Variants in TNKS observed in about 807,000 individuals in gnomAD.
The protein encoded by TNKS is tankyrase.
In TNKS, 72 loss-of-function variants were observed where a neutral mutation model predicts 135.8. The ratio of observed to expected loss-of-function variants is 0.53; its 90% CI spans 0.44 to 0.64. The LOEUF (loss-of-function observed/expected upper bound fraction) is 0.64, where lower values mean the gene tolerates loss of function less well. Ranked by LOEUF, TNKS falls within the 30% of genes least tolerant of loss-of-function variation. TNKS has a pLI of 0.00. For missense variants in TNKS, 1,769 were observed against 1,674.0 expected (o/e 1.06, Z -0.99); for synonymous variants, 849 against 649.3 (o/e 1.31, Z -4.68).
chr8:9,761,320 G>A (rs981692582), intron 20 of TNKS, among the ~76,000 whole-genome samples, 196 bp from the exon 21 acceptor site: 16 of 152,098 alleles, frequency 1.1e-4, no homozygotes, highest in African/African-American at 3.4e-4. Context: ...GCAAATCAAA[G>A]AGTACTTCAA....
intron 2 of TNKS, among the ~76,000 whole-genome samples, chr8:9,595,407 C>G (rs541856007): frequency 6.6e-6 from 1 of 151,998 alleles, no homozygotes; most frequent in African/African-American, 2.4e-5. Context: ...AAATAATCTC[C>G]GCTGACACTG....
At position 9,748,127 on chromosome 8, in the gene TNKS, C is replaced by A. The variant is rs1036848566; in HGVS notation, c.2747C>A (p.Thr916Lys). ...PLHEAAQKGR[T>K]QLCALLLAHG... ...CATGAAGCAGCCCAGAAAGGAAGGA[C>A]GCAGCTGTGCGCCCTCCTCCTAGCG... Residue 916 changes from threonine to lysine, a missense_variant, in exon 18 of 27, where the codon ACG becomes AAG. Around this residue, in one of 5 missense-constraint regions of TNKS, gnomAD observed 722 missense variants for 688.9 expected, o/e 1.05. Transcript: ENST00000310430. The A allele has an allele frequency of 6.2e-7, 1 of 1,613,970 alleles. No homozygotes were observed. Among genetic ancestry groups the A allele is most frequent in the South Asian group, 1.1e-5 (1 of 91,074 alleles).
chr8:9,631,265 C>T (rs1800277856), intron 3 of TNKS, among the ~76,000 whole-genome samples: 1 of 152,194 alleles, frequency 6.6e-6, no homozygotes, highest in African/African-American at 2.4e-5. Context: ...GGGATGTGAT[C>T]TTCTCACGTA....
At position 9,752,562 on chromosome 8, in the gene TNKS, A is replaced by G. The variant is rs1806599958; in HGVS notation, c.3089A>G (p.Asn1030Ser). 6 of 1,613,084 alleles carry G rather than the reference A, an allele frequency of 3.7e-6. No homozygotes were observed. In the South Asian group the frequency reaches 4.4e-5, roughly 12 times the overall value. The change falls in exon 20 of 27, where the codon AAT (asparagine) becomes AGT (serine). Residue 1030 changes from asparagine to serine, a missense_variant. By Grantham distance (46) the Asn-to-Ser change is conservative (BLOSUM62 1). Coordinates refer to ENST00000310430, the MANE Select transcript of TNKS (RefSeq NM_003747.3). ...KEGEVAGLDMNISQFLKSLGL... is the reference protein window; with the variant it reads ...KEGEVAGLDMSISQFLKSLGL... ...GTTTTAGTTGCTGGTCTTGACATGA[A>G]TATCAGCCAATTTCTAAAAAGCCTT...
At chr8:9,606,217 A>T (rs909022569) in intron 2 of TNKS, among the ~76,000 whole-genome samples, 1 of 145,002 alleles carries the variant, frequency 6.9e-6, no homozygotes, top group Non-Finnish European at 1.5e-5. Context: ...TGAATAGGCT[A>T]TTTTTCCACC....
intron 3 of TNKS, among the ~76,000 whole-genome samples, chr8:9,663,207 A>T (rs141798774): frequency 1.1e-3 from 160 of 152,296 alleles, no homozygotes; most frequent in African/African-American, 3.8e-3. Flanking sequence ...GACCTCCAGA[A>T]CTGTGTGGGA....
At position 9,555,961 on chromosome 8, in the gene TNKS, C is replaced by G. The variant is rs761383823; in HGVS notation, c.22C>G (p.Gln8Glu). Residue 8 changes from glutamine to glutamate, a missense_variant, in exon 1 of 27, where the codon CAG (glutamine) becomes GAG (glutamate). Physicochemically the swap from Gln to Glu is conservative, Grantham distance 29. Coordinates refer to ENST00000310430, the MANE Select transcript of TNKS (RefSeq NM_003747.3). MAASRRS[Q>E]HHHHHHQQQL... ...GAAGATGGCGGCGTCGCGTCGCTCT[C>G]AGCATCATCACCACCATCATCAACA... The G allele has an allele frequency of 6.2e-7, 1 of 1,613,090 alleles. No individual in the cohort carries two copies. Among genetic ancestry groups the G allele is most frequent in the Non-Finnish European group, 8.5e-7 (1 of 1,179,746 alleles).
At chr8:9,637,350 GTTCT>G (rs935361273) in intron 3 of TNKS, among the ~76,000 whole-genome samples, 2 of 151,926 alleles carry the variant, frequency 1.3e-5, no homozygotes, top group Non-Finnish European at 2.9e-5. Context: ...CTTCCTTCAG[GTTCT>G]TTCTTTGTGG....
chr8:9,683,077 A>G (rs940732980), intron 5 of TNKS, among the ~76,000 whole-genome samples: 2 of 152,176 alleles, frequency 1.3e-5, no homozygotes, highest in South Asian at 2.1e-4. Context: ...ATAATTAACA[A>G]TTGCTCATCT....
At chr8:9,631,806 T>C (rs747141808) in intron 3 of TNKS, among the ~76,000 whole-genome samples, 6 of 152,136 alleles carry the variant, frequency 3.9e-5, no homozygotes, top group Admixed American at 6.5e-5. Context: ...TTTAAGAATT[T>C]CAACATGAAT....
At chr8:9,735,242 C>G in intron 16 of TNKS, 135 bp from the exon 17 acceptor site, 1 of 1,069,586 alleles carries the variant, frequency 9.3e-7, no homozygotes, top group Non-Finnish European at 1.3e-6. Flanking sequence ...GAAGTCCCTC[C>G]ATTATGTGAT....
At chr8:9,595,701 A>G (rs1278710918) in intron 2 of TNKS, among the ~76,000 whole-genome samples, 1 of 152,076 alleles carries the variant, frequency 6.6e-6, no homozygotes, top group African/African-American at 2.4e-5. Flanking sequence ...TAGAAAAAAA[A>G]TTTTCATATA....
chr8:9,616,140 A>G (rs1159048649), intron 3 of TNKS, among the ~76,000 whole-genome samples: 1 of 152,150 alleles, frequency 6.6e-6, no homozygotes, highest in Non-Finnish European at 1.5e-5. Flanking sequence ...TACTTTAATC[A>G]TATGTTTTCA....
chr8:9,765,172 G>A lies in TNKS; in HGVS notation c.3447+382G>A, dbSNP rs539732626. Among the ~76,000 whole-genome samples the A allele has an allele frequency of 1.1e-4, 16 of 152,184 alleles. No homozygotes were observed. In the South Asian group the frequency reaches 3.3e-3, roughly 32 times the overall value. ...TCTAATTGAACCAGTAATTACCTCA[G>A]AATACATATATTTCTTAATCTCGGT... is the stretch of plus-strand genomic sequence containing the variant. On this transcript the variant is annotated intron_variant, in intron 23 of 26. Coordinates refer to ENST00000310430, the MANE Select transcript of TNKS (RefSeq NM_003747.3).
At chr8:9,586,616 A>G (rs1184279409) in intron 2 of TNKS, among the ~76,000 whole-genome samples, 1 of 152,170 alleles carries the variant, frequency 6.6e-6, no homozygotes, top group Non-Finnish European at 1.5e-5. Context: ...CAAATGTAAT[A>G]TATCAACCCA....
In TNKS at chr8:9,710,155, C is replaced by G; in HGVS notation, c.1684C>G (p.Leu562Val). The G allele has an allele frequency of 6.2e-7, 1 of 1,614,210 alleles. No homozygotes were observed. The highest frequency in any genetic ancestry group is 8.5e-7 in the Non-Finnish European group (1 of 1,180,028). The change falls in exon 11 of 27, where the codon CTG becomes GTG. Residue 562 changes from leucine (L) to valine (V), a missense_variant. By Grantham distance (32) the Leu-to-Val change is conservative. Coordinates refer to ENST00000310430, the MANE Select transcript of TNKS (RefSeq NM_003747.3). ...NEKNKDFMTP[L>V]HVAAERAHND... ...TCTTTTCTGTAGTTTCATGACTCCC[C>G]TGCATGTTGCAGCCGAAAGAGCCCA... is the stretch of plus-strand genomic sequence containing the variant.
At chr8:9,699,447 C>T (rs1383667274) in intron 5 of TNKS, among the ~76,000 whole-genome samples, 8 of 152,226 alleles carry the variant, frequency 5.3e-5, no homozygotes, top group Non-Finnish European at 7.4e-5. Context: ...CATGAGTTTG[C>T]GCAAATCATC....
In TNKS at chr8:9,776,869, C is replaced by A; in HGVS notation, c.*133C>A. The A allele has an allele frequency of 2.5e-6, 2 of 799,276 alleles. No individual in the cohort carries two copies. Among genetic ancestry groups the A allele is most frequent in the Non-Finnish European group, 4.0e-6 (2 of 495,888 alleles). 49.5% of individuals were successfully genotyped at this position (799,276 alleles called of 1,614,324 possible). On this transcript the variant is annotated 3_prime_UTR_variant, in exon 27 of 27. Coordinates refer to ENST00000310430, the MANE Select transcript of TNKS (RefSeq NM_003747.3). ...AATAAGCTGTTTGTCTTCTATAAAG[C>A]ATTGCTATAGTGATGAATAGTATGA...
At chr8:9,743,978 T>C (rs1806101768) in intron 17 of TNKS, among the ~76,000 whole-genome samples, 1 of 152,244 alleles carries the variant, frequency 6.6e-6, no homozygotes, top group African/African-American at 2.4e-5. Flanking sequence ...ACTTATGTAG[T>C]TATTTATTGA....
Sources: allele counts gnomAD v4.1 joint callset (sites outside exome capture counted in the v4.1 genomes callset), GRCh38; gene constraint gnomAD v4.1.1; regional missense constraint gnomAD v4.1.1; transcripts MANE v1.5; gene names NCBI Gene and HGNC (gene_info 2026-07-23, HGNC 2026-07-21).